MPP3: variants seen among roughly 807,000 people sequenced by gnomAD.
MPP3 encodes the protein MAGUK p55 scaffold protein 3.
A neutral mutation model predicts 80.7 loss-of-function variants in MPP3; 48 were observed. The observed-to-expected ratio is 0.59, with a 90% CI of 0.47 to 0.76. The LOEUF is 0.76. Ranked by LOEUF, MPP3 falls within the 30% of genes least tolerant of loss-of-function variation. The pLI, the probability that MPP3 is intolerant of heterozygous loss-of-function variation, is 0.00. For synonymous variants in MPP3, 311 were observed against 297.6 expected, an observed-to-expected ratio of 1.04 and a Z score of -0.46; for missense variants, 620 against 763.0, an observed-to-expected ratio of 0.81 and a Z score of 2.21.
In MPP3 at chr17:43,827,780, A is replaced by C. The variant is rs745790949; in HGVS notation, c.494T>G (p.Ile165Ser). The change falls in exon 8 of 20, where the codon ATC (isoleucine) becomes AGC (serine). Residue 165 changes from isoleucine to serine, a missense_variant. Transcript: ENST00000398389. ...EHSGAVVVAR[I>S]MRGGAADRSG... Reference sequence around the variant, plus strand: ...CCTGTCTGCTGCGCCTCCTCGCATGATCCTGGCCACCACAACAGCCCCTGA... The same window carrying C: ...CCTGTCTGCTGCGCCTCCTCGCATGCTCCTGGCCACCACAACAGCCCCTGA... 1 of 1,612,606 alleles carries C rather than the reference A, an allele frequency of 6.2e-7. No homozygotes were observed. The highest frequency in any genetic ancestry group is 8.5e-7 in the Non-Finnish European group (1 of 1,179,980).
At position 43,831,286 on chromosome 17, in the gene MPP3, A is replaced by G; in HGVS notation, c.180T>C (p.Ser60=). Residue 60 remains serine, a synonymous_variant, in exon 5 of 20, where the codon AGT becomes AGC. Transcript: ENST00000398389. ...CAGCGCTGTGCAGAACTGGGGTTGG[A>G]CTTTGCCTTTCATAATAGCGAAGCT... The part of the protein sequence containing the change: ...HEKLRYYERQ[S]PTPVLHSAVA... The G allele has an allele frequency of 6.2e-6, 10 of 1,614,022 alleles. No individual in the cohort carries two copies. The highest frequency in any genetic ancestry group is 8.5e-6 in the Non-Finnish European group (10 of 1,180,022).
At chr17:43,805,296 CTA>C (rs920832291) in intron 19 of MPP3, among the ~76,000 whole-genome samples, 1 of 152,144 alleles carries the variant, frequency 6.6e-6, no homozygotes, top group African/African-American at 2.4e-5. Context: ...ACTAGTAGTG[CTA>C]TGATTAAAAA....
At chr17:43,824,768 TTTG>T (rs568708888) in intron 9 of MPP3, among the ~76,000 whole-genome samples, 275 of 151,934 alleles carry the variant, frequency 1.8e-3, no homozygotes, top group African/African-American at 6.4e-3. Flanking sequence ...AGGGCTTTAT[TTTG>T]TTGTTGTTTT....
intron 11 of MPP3, among the ~76,000 whole-genome samples, chr17:43,820,540 T>C (rs1055672324): frequency 6.8e-6 from 1 of 146,748 alleles, no homozygotes; most frequent in African/African-American, 2.5e-5. Flanking sequence ...TGCAGTGAGC[T>C]AAGATTCGCC....
chr17:43,827,631 G>T, intron 8 of MPP3, 120 bp downstream of exon 8: 2 of 911,140 alleles, frequency 2.2e-6, no homozygotes, highest in Non-Finnish European at 3.3e-6. Flanking sequence ...AGAAAGCAAA[G>T]CAAATCCCAA....
intron 16 of MPP3, among the ~76,000 whole-genome samples, chr17:43,812,742 A>T (rs1341913560): frequency 6.6e-6 from 1 of 152,150 alleles, no homozygotes; most frequent in East Asian, 1.9e-4. Context: ...CCTCTTCTCC[A>T]GGGGGTGGAT....
intron 5 of MPP3, 92 bp from the exon 6 acceptor site, chr17:43,830,199 T>G: frequency 1.1e-6 from 1 of 912,170 alleles, no homozygotes; most frequent in Non-Finnish European, 1.6e-6. Flanking sequence ...CCCACCCAGC[T>G]GCAGCCCCCA....
intron 12 of MPP3, among the ~76,000 whole-genome samples, chr17:43,817,190 C>A (rs142274148): frequency 6.6e-6 from 1 of 152,190 alleles, no homozygotes; most frequent in Non-Finnish European, 1.5e-5. Flanking sequence ...AGTCTGCCCT[C>A]TAGTACCAGA....
chr17:43,831,456 G>A lies in MPP3; in HGVS notation c.144+103C>T, dbSNP rs1286015150. ...AAGTCCTGTGTAGTGGGCAAGTGAA[G>A]GCCTTCCTGGGGCAGGGAGATGACT... is the stretch of plus-strand genomic sequence containing the variant. On this transcript the variant is annotated intron_variant, in intron 4 of 19. Transcript: ENST00000398389. The A allele has an allele frequency of 4.6e-6, 6 of 1,303,724 alleles. No homozygotes were observed. The African/African-American group carries it at 5.8e-5, about 13-fold the overall frequency. 80.8% of individuals were successfully genotyped at this position (1,303,724 alleles called of 1,614,324 possible).
chr17:43,814,915 G>A (rs1156866023), intron 14 of MPP3, among the ~76,000 whole-genome samples: 2 of 152,198 alleles, frequency 1.3e-5, no homozygotes, highest in African/African-American at 2.4e-5. Flanking sequence ...AAAAAATTCA[G>A]AGATGTGGGA....
intron 12 of MPP3, 35 bp from the exon 13 acceptor site, chr17:43,816,732 T>G: frequency 6.4e-7 from 1 of 1,564,938 alleles, no homozygotes; most frequent in Non-Finnish European, 8.7e-7. Context: ...GGAACAGCAT[T>G]AGTGGAGGGA....
chr17:43,827,328 T>TC (rs2045755878), intron 8 of MPP3, among the ~76,000 whole-genome samples: 1 of 138,458 alleles, frequency 7.2e-6, no homozygotes, highest in African/African-American at 2.8e-5. Flanking sequence ...TTTTTTTTTT[T>TC]CTTTTTTTTT....
rs1376749031 is a variant in MPP3 at position 43,820,921 on chromosome 17, C to T, written c.822G>A (p.Lys274=). The change falls in exon 11 of 20, where the codon AAG becomes AAA. Residue 274 remains lysine, a synonymous_variant. Transcript: ENST00000398389. Reference sequence around the variant, plus strand: ...CTCGAAGGTTGGTGTCCCCGACTCGCTTGGCCTGCCACCACGTGGGGTCGT... The same window carrying T: ...CTCGAAGGTTGGTGTCCCCGACTCGTTTGGCCTGCCACCACGTGGGGTCGT... ...SQDDPTWWQA[K]RVGDTNLRAG... is the part of the protein sequence containing the mutation. The T allele has an allele frequency of 1.2e-6, 2 of 1,614,058 alleles. No individual in the cohort carries two copies. The highest frequency in any genetic ancestry group is 2.2e-5 in the East Asian group (1 of 44,900).
Position 43,828,044 on chromosome 17 carries a change from A to C in MPP3, c.442-212T>G, listed in dbSNP as rs906499063. On this transcript the variant is annotated intron_variant, in intron 7 of 19. Transcript: ENST00000398389. ...AGTTTACAAGGCACAATAATGCTGC[A>C]ACATTTTAGATGAGGGACTGGGGCT... Among the ~76,000 whole-genome samples, 7 of 152,212 alleles carry C rather than the reference A, an allele frequency of 4.6e-5. No homozygotes were observed. The South Asian group carries it at 1.2e-3, about 27-fold the overall frequency.
intron 19 of MPP3, 146 bp downstream of exon 19, chr17:43,808,810 T>C: frequency 1.0e-6 from 1 of 967,144 alleles, no homozygotes; most frequent in Non-Finnish European, 1.4e-6. Context: ...CTTAAGTTTT[T>C]CAATAGGCAA....
chr17:43,812,023 A>G (rs555572974), intron 16 of MPP3, among the ~76,000 whole-genome samples: 1 of 152,352 alleles, frequency 6.6e-6, no homozygotes, highest in East Asian at 1.9e-4. Flanking sequence ...TTAATTCTTT[A>G]GTCAATTAGT....
Position 43,821,019 on chromosome 17 carries a change from C to T in MPP3, c.724G>A (p.Asp242Asn). Residue 242 changes from aspartate to asparagine, a missense_variant, in exon 11 of 20, where the codon GAC (aspartate) becomes AAC (asparagine). Transcript: ENST00000398389. The stretch of plus-strand genomic sequence containing the variant: ...GCCTCCTGGCAAGGGATGGCCCGGT[C>T]CTCCCGAGGGTTGTAGTGGAAGAGG... Reference protein sequence around the residue: ...RALFHYNPREDRAIPCQEAGL... With the variant: ...RALFHYNPRENRAIPCQEAGL... 1 of 1,613,906 alleles carries T rather than the reference C, an allele frequency of 6.2e-7. No homozygotes were observed. The highest frequency in any genetic ancestry group is 2.2e-5 in the East Asian group (1 of 44,892).
intron 12 of MPP3, 38 bp from the exon 13 acceptor site, chr17:43,816,735 T>C (rs1188608376): frequency 6.4e-7 from 1 of 1,562,956 alleles, no homozygotes; most frequent in Admixed American, 1.9e-5. Context: ...ACAGCATTAG[T>C]GGAGGGAAGC....
At chr17:43,807,074 T>C (rs893364158) in intron 19 of MPP3, among the ~76,000 whole-genome samples, 4 of 151,218 alleles carry the variant, frequency 2.6e-5, no homozygotes. Context: ...TGGGTTCAAG[T>C]GTTTCTCCTG....
Sources: gnomAD v4.1 joint callset for allele counts (sites outside exome capture counted in the v4.1 genomes callset) on GRCh38, gnomAD v4.1.1 for gene constraint, MANE v1.5 for transcripts, NCBI Gene and HGNC (gene_info 2026-07-23, HGNC 2026-07-21) for gene names.